PLCXD3: variants seen among roughly 807,000 people sequenced by gnomAD.
The protein encoded by PLCXD3 is PI-PLC X domain-containing protein 3.
In PLCXD3, 19 loss-of-function variants were observed where a neutral mutation model predicts 25.5. That is an observed-to-expected ratio of 0.75 (90% CI 0.52 to 1.09). The LOEUF is 1.09. PLCXD3 is among the 50% of genes least tolerant of loss of function. The pLI, the probability that PLCXD3 is intolerant of heterozygous loss-of-function variation, is 0.00. For synonymous variants in PLCXD3, 174 were observed against 137.6 expected (o/e 1.26, Z -1.85); for missense variants, 411 against 388.1 (o/e 1.06, Z -0.50).
At chr5:41,342,452 TTAA>T (rs1183051875) in intron 2 of PLCXD3, among the ~76,000 whole-genome samples, 1 of 152,212 alleles carries the variant, frequency 6.6e-6, no homozygotes, top group East Asian at 1.9e-4. Context: ...CCCAAACTTG[TTAA>T]TAATGGAAGA....
chr5:41,437,790 C>T (rs762481407), intron 1 of PLCXD3, among the ~76,000 whole-genome samples: 5 of 152,026 alleles, frequency 3.3e-5, no homozygotes, highest in Non-Finnish European at 4.4e-5. Context: ...AGTGGTATCA[C>T]CTAATTAAGT....
Position 41,308,606 on chromosome 5 carries a change from G to C in PLCXD3, c.*5011C>G, listed in dbSNP as rs1444141218. On this transcript the variant is annotated 3_prime_UTR_variant, in exon 3 of 3. Transcript: ENST00000377801. ...AGAAAAGTGTGTGGGTTGCATGCTT[G>C]TTTTCTCGAGAAGAGAACCATGTTG... 6.6e-6 allele frequency: 1 copy of C among 152,098 alleles called. No homozygotes were observed. The highest frequency in any genetic ancestry group is 1.5e-5 in the Non-Finnish European group (1 of 68,002). 9.4% of individuals were successfully genotyped at this position (152,098 alleles called of 1,614,324 possible).
intron 1 of PLCXD3, among the ~76,000 whole-genome samples, chr5:41,402,725 TGAA>T (rs1746222613): frequency 3.9e-5 from 6 of 152,016 alleles, no homozygotes; most frequent in Non-Finnish European, 8.8e-5. Context: ...TTATATATTT[TGAA>T]GCTCTCTTAT....
At chr5:41,415,438 T>A (rs899800868) in intron 1 of PLCXD3, among the ~76,000 whole-genome samples, 1 of 152,222 alleles carries the variant, frequency 6.6e-6, no homozygotes, top group Non-Finnish European at 1.5e-5. Context: ...CATCTTTGAA[T>A]ACAATAGTCA....
chr5:41,457,709 C>A (rs1339077789), intron 1 of PLCXD3, among the ~76,000 whole-genome samples: 1 of 151,888 alleles, frequency 6.6e-6, no homozygotes, highest in Non-Finnish European at 1.5e-5. Flanking sequence ...TTGAAACTTT[C>A]CCATGGGACT....
intron 1 of PLCXD3, among the ~76,000 whole-genome samples, chr5:41,395,164 C>G (rs1745964080): frequency 6.6e-6 from 1 of 152,112 alleles, no homozygotes; most frequent in South Asian, 2.1e-4. Context: ...ATTTTAACAA[C>G]AAGATGAATT....
chr5:41,414,343 T>C (rs1298313428), intron 1 of PLCXD3, among the ~76,000 whole-genome samples: 3 of 152,118 alleles, frequency 2.0e-5, no homozygotes, highest in African/African-American at 7.2e-5. Flanking sequence ...GCTGGGATTA[T>C]AGGTATGCAC....
At chr5:41,388,131 A>C (rs1745696321) in intron 1 of PLCXD3, among the ~76,000 whole-genome samples, 1 of 152,082 alleles carries the variant, frequency 6.6e-6, no homozygotes. Flanking sequence ...AAACTAAAAA[A>C]AAAAATACAT....
Position 41,423,031 on chromosome 5 carries a change from TTGAA to T in PLCXD3, c.104-40501_104-40498del, listed in dbSNP as rs1311683028. ...TTTTAAAAAAAATTATGAATGGGTG[TTGAA>T]TATTATCAAATGCCTTTTCTATATT... is the stretch of plus-strand genomic sequence containing the variant. On this transcript the variant is annotated intron_variant, in intron 1 of 2. Transcript: ENST00000377801. Among the ~76,000 whole-genome samples, 8 of 152,268 alleles carry T rather than the reference TTGAA, an allele frequency of 5.3e-5. No individual in the cohort carries two copies. The East Asian group carries it at 1.5e-3, about 29-fold the overall frequency.
intron 1 of PLCXD3, among the ~76,000 whole-genome samples, chr5:41,410,658 A>G (rs1179571648): frequency 6.6e-6 from 1 of 152,000 alleles, no homozygotes; most frequent in East Asian, 1.9e-4. Context: ...AGGGCACCTC[A>G]CTTTATGGCC....
intron 2 of PLCXD3, among the ~76,000 whole-genome samples, chr5:41,365,832 T>C: frequency 6.6e-6 from 1 of 152,202 alleles, no homozygotes; most frequent in South Asian, 2.1e-4. Flanking sequence ...ATCTACTCAC[T>C]TGAAATATCT....
chr5:41,356,790 T>C (rs1744631819), intron 2 of PLCXD3, among the ~76,000 whole-genome samples: 1 of 152,206 alleles, frequency 6.6e-6, no homozygotes. Flanking sequence ...ATCTTTTTGC[T>C]GAGAGGCTGA....
intron 2 of PLCXD3, among the ~76,000 whole-genome samples, chr5:41,381,047 T>C (rs1745443571): frequency 6.6e-6 from 1 of 152,112 alleles, no homozygotes; most frequent in Non-Finnish European, 1.5e-5. Context: ...AGAGTTTGAG[T>C]ATCTGTGTTA....
At chr5:41,469,965 C>A (rs1748113961) in intron 1 of PLCXD3, among the ~76,000 whole-genome samples, 1 of 152,098 alleles carries the variant, frequency 6.6e-6, no homozygotes, top group African/African-American at 2.4e-5. Flanking sequence ...AGAATGAGAA[C>A]AGTGGGGTCA....
intron 1 of PLCXD3, among the ~76,000 whole-genome samples, chr5:41,387,192 G>C (rs1026904036): frequency 6.6e-6 from 1 of 152,050 alleles, no homozygotes. Flanking sequence ...TCTAGGAGCT[G>C]AGGTCTGAGC....
At chr5:41,355,287 TTC>T (rs1377415078) in intron 2 of PLCXD3, among the ~76,000 whole-genome samples, 1 of 152,240 alleles carries the variant, frequency 6.6e-6, no homozygotes, top group Non-Finnish European at 1.5e-5. Context: ...TGAATGATTC[TTC>T]TGTCTTTGGA....
intron 2 of PLCXD3, among the ~76,000 whole-genome samples, chr5:41,349,809 A>G (rs1310239745): frequency 1.3e-5 from 2 of 152,184 alleles, no homozygotes; most frequent in Non-Finnish European, 2.9e-5. Flanking sequence ...GTTACAGAGC[A>G]CTAGCCCCTT....
rs1580290537 is a variant in PLCXD3, at chr5:41,312,582, C to G, written c.*1035G>C. On this transcript the variant is annotated 3_prime_UTR_variant, in exon 3 of 3. Transcript: ENST00000377801. ...CCCTCCCTCTCTTCCTCCCTCCCTCCCTCTCTTCCTTCCTTCCTTCCTCCC... is the reference window on the plus strand; with the variant it reads ...CCCTCCCTCTCTTCCTCCCTCCCTCGCTCTCTTCCTTCCTTCCTTCCTCCC... 1 of 149,874 alleles carries G rather than the reference C, an allele frequency of 6.7e-6. No individual in the cohort carries two copies. The highest frequency in any genetic ancestry group is 2.0e-4 in the East Asian group (1 of 5,092). The allele number at this position is 149,874 out of a possible 1,614,324, so 9.3% of individuals were successfully genotyped here.
At chr5:41,466,025 C>T (rs770246112) in intron 1 of PLCXD3, among the ~76,000 whole-genome samples, 59 of 151,982 alleles carry the variant, frequency 3.9e-4, no homozygotes, top group Admixed American at 1.8e-3. Flanking sequence ...AAACACATTT[C>T]GTTTATCATT....
Sources: allele counts gnomAD v4.1 joint callset (sites outside exome capture counted in the v4.1 genomes callset), GRCh38; gene constraint gnomAD v4.1.1; transcripts MANE v1.5; gene names NCBI Gene and HGNC (gene_info 2026-07-23, HGNC 2026-07-21).